Variants in CEP72 observed in about 807,000 individuals in gnomAD.
CEP72 encodes centrosomal protein of 72 kDa.
A neutral mutation model predicts 65.7 loss-of-function variants in CEP72; 78 were observed. The observed-to-expected ratio is 1.19, with a 90% CI of 0.99 to 1.43. The LOEUF is 1.43. CEP72 is among the 40% of genes most tolerant of loss of function. The pLI, the probability that CEP72 is intolerant of heterozygous loss-of-function variation, is 0.00. For missense variants in CEP72, 914 were observed against 832.9 expected (o/e 1.10, Z -1.20); for synonymous variants, 358 against 351.7 (o/e 1.02, Z -0.20).
Position 652,983 on chromosome 5 carries a change from T to C in CEP72, c.1779-5T>C. On this transcript the variant is annotated splice_region_variant and splice_polypyrimidine_tract_variant and intron_variant, in intron 11 of 11. Coordinates refer to ENST00000264935, the MANE Select transcript of CEP72 (RefSeq NM_018140.4). ...CCAAGCAGCCGCTTCCCTGTTGTTC[T>C]GCAGCTCCCTGGTCAGCACCAATGA... 4 of 1,601,536 alleles carry C rather than the reference T, an allele frequency of 2.5e-6. No homozygotes were observed. The highest frequency in any genetic ancestry group is 3.4e-6 in the Non-Finnish European group (4 of 1,173,858).
chr5:646,815 G>A (rs766285181), intron 10 of CEP72, among the ~76,000 whole-genome samples: 2 of 152,180 alleles, frequency 1.3e-5, no homozygotes, highest in African/African-American at 4.8e-5. Flanking sequence ...CACTGCTGAC[G>A]GCTGCCTCAC....
At chr5:647,722 T>G in intron 10 of CEP72, 83 bp from the exon 11 acceptor site, 1 of 897,292 alleles carries the variant, frequency 1.1e-6, no homozygotes, top group Non-Finnish European at 1.8e-6. Context: ...AGATCCAGTT[T>G]AAATGTAGAA....
intron 4 of CEP72, among the ~76,000 whole-genome samples, chr5:625,392 T>G (rs1561033180): frequency 6.6e-6 from 1 of 152,188 alleles, no homozygotes; most frequent in East Asian, 1.9e-4. Flanking sequence ...CAGGGATCAG[T>G]CAGCTTTTTT....
chr5:643,599 G>C, intron 9 of CEP72: 6 of 985,398 alleles, frequency 6.1e-6, no homozygotes, highest in Non-Finnish European at 6.0e-6. Flanking sequence ...CCTGGTGGCA[G>C]TGAGCTGGGG....
chr5:660,376 C>T (rs7558), downstream of CEP72: 20,312 of 152,212 alleles, frequency 0.13, 1,741 homozygotes, highest in Admixed American at 0.19. Flanking sequence ...TAAAGCATCT[C>T]GATGTGCCCA....
chr5:639,159 T>A lies in CEP72; in HGVS notation c.1277T>A (p.Leu426His). The change falls in exon 8 of 12, where the codon CTC (leucine) becomes CAC (histidine). Residue 426 changes from leucine (L) to histidine (H), a missense_variant. Leu to His is a moderately conservative substitution (Grantham distance 99, BLOSUM62 -3). Transcript: ENST00000264935. ...TALQAALLET[L>H]LDLVDRSWGG... is the part of the protein sequence containing the mutation. ...CTGCAGGCGGCGCTCCTGGAGACGC[T>A]CTTGGACCTGGTGGACAGGAGCTGG... is the stretch of plus-strand genomic sequence containing the variant. 6.2e-7 allele frequency: 1 copy of A among 1,611,774 alleles called. No homozygotes were observed. Among genetic ancestry groups the A allele is most frequent in the Non-Finnish European group, 8.5e-7 (1 of 1,178,808 alleles).
At chr5:648,302 GTGACTGTGAGGTA>G (rs1368646407) in intron 11 of CEP72, among the ~76,000 whole-genome samples, 19 of 107,852 alleles carry the variant, frequency 1.8e-4, no homozygotes, top group African/African-American at 2.1e-4. Context: ...ACTGTGAGGT[GTGACTGTGAGGTA>G]TGACTGTGAG....
chr5:652,730 G>T (rs1476455213), intron 11 of CEP72, among the ~76,000 whole-genome samples: 1 of 152,230 alleles, frequency 6.6e-6, no homozygotes, highest in Non-Finnish European at 1.5e-5. Context: ...AGCCTGTTCA[G>T]CTCATTCATT....
intron 1 of CEP72, chr5:663,251 A>G (rs750683127): frequency 6.6e-6 from 1 of 152,286 alleles, no homozygotes; most frequent in Non-Finnish European, 1.5e-5. Flanking sequence ...AGTTGTTTTC[A>G]AATGTTTCCG....
At chr5:626,229 T>C (rs541316002) in intron 4 of CEP72, among the ~76,000 whole-genome samples, 1 of 152,308 alleles carries the variant, frequency 6.6e-6, no homozygotes, top group African/African-American at 2.4e-5. Flanking sequence ...TATTTCCTTT[T>C]CTTACCTTAC....
chr5:669,297 G>A (rs887454658), downstream of CEP72, among the ~76,000 whole-genome samples: 6 of 152,058 alleles, frequency 3.9e-5, no homozygotes, highest in Admixed American at 6.5e-5. Context: ...AGCCGGAGGT[G>A]CCCTGGGCAG....
At chr5:669,739 T>C (rs1221128471), downstream of CEP72, among the ~76,000 whole-genome samples, 1 of 151,990 alleles carries the variant, frequency 6.6e-6, no homozygotes, top group Non-Finnish European at 1.5e-5. Flanking sequence ...CCCGAGTGTC[T>C]CGGGGAAAGG....
chr5:669,526 T>A (rs984669243), downstream of CEP72, among the ~76,000 whole-genome samples: 3 of 152,056 alleles, frequency 2.0e-5, no homozygotes, highest in African/African-American at 7.2e-5. Flanking sequence ...GGCTCTCCTG[T>A]CTTCTATTCC....
rs1230649845 is a variant in CEP72 at position 624,466 on chromosome 5, T to C, written c.404-5T>C. On this transcript the variant is annotated splice_polypyrimidine_tract_variant and splice_region_variant and intron_variant, in intron 3 of 11. Transcript: ENST00000264935. This position sits in a 1 kb window ranked among gnomAD's most constrained non-coding sequence, Gnocchi z 4.7. ...TGCACAGTCTTGTGTGGCCTTTTCT[T>C]CTAGACGATCGCCCCGTGAGAGCAA... The C allele has an allele frequency of 6.2e-7, 1 of 1,613,034 alleles. No individual in the cohort carries two copies. The highest frequency in any genetic ancestry group is 2.2e-5 in the East Asian group (1 of 44,870).
downstream of CEP72, among the ~76,000 whole-genome samples, chr5:667,930 A>G (rs80346512): frequency 8.4e-4 from 39 of 46,650 alleles, 3 homozygotes; most frequent in African/African-American, 2.1e-3. Context: ...ACAAGCACAC[A>G]GAGAGGGGGC....
At chr5:662,466 G>A (rs1272819360) in intron 1 of CEP72, 1 of 152,414 alleles carries the variant, frequency 6.6e-6, no homozygotes, top group African/African-American at 2.4e-5. Flanking sequence ...AGGGCCTGGC[G>A]AGCCTCTGTG....
At chr5:664,965 G>A (rs1739831758) in intron 2 of CEP72, 4 of 1,006,104 alleles carry the variant, frequency 4.0e-6, no homozygotes, top group Non-Finnish European at 5.8e-6. Context: ...GGGAGGCCTG[G>A]GCCTGGCCGC....
chr5:642,180 T>C, intron 9 of CEP72: 2 of 864,222 alleles, frequency 2.3e-6, no homozygotes, highest in Non-Finnish European at 2.7e-6. Flanking sequence ...GCCTCTGCAT[T>C]TAAACACACG....
At chr5:614,432 T>C (rs1439392930) in intron 1 of CEP72, among the ~76,000 whole-genome samples, 2 of 149,576 alleles carry the variant, frequency 1.3e-5, no homozygotes, top group Non-Finnish European at 3.0e-5. Flanking sequence ...ATACTTCCTG[T>C]TTGACCTGTG....
Sources: allele counts gnomAD v4.1 joint callset (sites outside exome capture counted in the v4.1 genomes callset), GRCh38; gene constraint gnomAD v4.1.1; non-coding constraint Gnocchi (gnomAD v3.1); transcripts MANE v1.5; gene names NCBI Gene and HGNC (gene_info 2026-07-23, HGNC 2026-07-21).